Variants in LDB2 observed in about 807,000 individuals in gnomAD.
LDB2 encodes the protein LIM domain binding 2, also known as LIM domain-binding protein 2.
A neutral mutation model predicts 44.3 loss-of-function variants in LDB2; 12 were observed. That is an observed-to-expected ratio of 0.27 (90% confidence interval 0.17 to 0.44). The LOEUF (loss-of-function observed/expected upper bound fraction) is 0.44. Among genes scored for constraint, LDB2 ranks in the 20% least tolerant of loss-of-function variants. The probability of loss-of-function intolerance (pLI) is 1.00; values close to 1 mark genes in which losing one functional copy is unlikely to be tolerated. For synonymous variants in LDB2, 164 were observed against 174.8 expected, an observed-to-expected ratio of 0.94 and a Z score of 0.49; for missense variants, 344 against 473.5, an observed-to-expected ratio of 0.73 and a Z score of 2.54.
chr4:16,530,745 T>A (rs1729866996), intron 5 of LDB2, among the ~76,000 whole-genome samples: 1 of 152,174 alleles, frequency 6.6e-6, no homozygotes, highest in African/African-American at 2.4e-5. Flanking sequence ...AGTTTGTTCT[T>A]TCTGAAATAG....
chr4:16,671,897 G>A (rs901059494), intron 2 of LDB2, among the ~76,000 whole-genome samples: 4 of 152,034 alleles, frequency 2.6e-5, no homozygotes, highest in African/African-American at 9.7e-5. Flanking sequence ...GTGGGCTGCA[G>A]CTGAATTGGC....
chr4:16,584,123 A>G (rs1715849722), intron 5 of LDB2, among the ~76,000 whole-genome samples: 1 of 152,206 alleles, frequency 6.6e-6, no homozygotes, highest in Non-Finnish European at 1.5e-5. Context: ...CAGCACATCA[A>G]ACAATGATGG....
chr4:16,854,163 A>G (rs1023004453), intron 1 of LDB2, among the ~76,000 whole-genome samples: 57 of 152,044 alleles, frequency 3.7e-4, no homozygotes, highest in African/African-American at 1.4e-3. Flanking sequence ...AAACAAAACA[A>G]AACAAATTGA....
chr4:16,758,361 T>C (rs573489065), intron 2 of LDB2, among the ~76,000 whole-genome samples: 52 of 152,330 alleles, frequency 3.4e-4, no homozygotes, highest in African/African-American at 1.2e-3. Context: ...ATTTCAGTGT[T>C]TGTGACAGTG....
chr4:16,789,677 C>T (rs1775272634), intron 1 of LDB2, among the ~76,000 whole-genome samples: 1 of 152,190 alleles, frequency 6.6e-6, no homozygotes, highest in South Asian at 2.1e-4. Flanking sequence ...TGCCTGTAAT[C>T]CCAGCACTTT....
chr4:16,572,579 G>GTA (rs1032865701), intron 5 of LDB2, among the ~76,000 whole-genome samples: 11 of 151,808 alleles, frequency 7.2e-5, no homozygotes, highest in South Asian at 2.1e-4. Flanking sequence ...TTGTTGTTTT[G>GTA]TATATATATG....
chr4:16,898,598 C>T lies in LDB2; in HGVS notation c.-113G>A. 1 of 1,012,704 alleles carries T rather than the reference C, an allele frequency of 9.9e-7. No homozygotes were observed. The highest frequency in any genetic ancestry group is 1.4e-6 in the Non-Finnish European group (1 of 709,978). 62.7% of individuals were successfully genotyped at this position (1,012,704 alleles called of 1,614,324 possible). ...AGACGCACGCACACACGCTCACACA[C>T]ACACAGAGGCAGGCAGGCAGGCAGG... On this transcript the variant is annotated 5_prime_UTR_variant, in exon 1 of 8. The change creates a new upstream start codon in the 5' untranslated region. Coordinates refer to ENST00000304523, the MANE Select transcript of LDB2 (RefSeq NM_001290.5).
intron 2 of LDB2, among the ~76,000 whole-genome samples, chr4:16,642,362 C>T (rs747062411): frequency 1.1e-4 from 17 of 152,026 alleles, no homozygotes; most frequent in South Asian, 6.3e-4. Flanking sequence ...AGCAGGTAAA[C>T]GCACAAAAAC....
intron 2 of LDB2, among the ~76,000 whole-genome samples, chr4:16,733,206 A>G (rs1364983070): frequency 2.0e-5 from 3 of 152,198 alleles, no homozygotes; most frequent in Admixed American, 6.5e-5. Context: ...CTCTAATTAT[A>G]ATGCAAGATA....
intron 1 of LDB2, among the ~76,000 whole-genome samples, chr4:16,788,781 C>T (rs539251708): frequency 1.3e-5 from 2 of 152,338 alleles, no homozygotes; most frequent in South Asian, 4.1e-4. Context: ...TAGTGAGCCC[C>T]AAGAACAGGC....
At chr4:16,894,869 T>G (rs550818725) in intron 1 of LDB2, among the ~76,000 whole-genome samples, 167 of 152,252 alleles carry the variant, frequency 1.1e-3, no homozygotes, top group Non-Finnish European at 1.3e-3. Flanking sequence ...AAAACCAAAC[T>G]GGACCTTCAA....
intron 2 of LDB2, among the ~76,000 whole-genome samples, chr4:16,651,787 T>A (rs1464798542): frequency 4.6e-5 from 7 of 152,142 alleles, no homozygotes; most frequent in Admixed American, 4.6e-4. Flanking sequence ...TCCCTTCCAA[T>A]AGACTTGGTC....
chr4:16,740,393 A>G (rs886946601), intron 2 of LDB2, among the ~76,000 whole-genome samples: 18 of 152,220 alleles, frequency 1.2e-4, no homozygotes, highest in Non-Finnish European at 1.3e-4. Context: ...GTCTATCACG[A>G]TGCATCCTCT....
intron 2 of LDB2, among the ~76,000 whole-genome samples, chr4:16,616,716 C>T (rs1395208016): frequency 6.6e-6 from 1 of 151,874 alleles, no homozygotes; most frequent in Non-Finnish European, 1.5e-5. Flanking sequence ...GAACCTACTC[C>T]TTTTGCTATT....
At chr4:16,736,853 T>C (rs531591075) in intron 2 of LDB2, among the ~76,000 whole-genome samples, 1 of 152,246 alleles carries the variant, frequency 6.6e-6, no homozygotes, top group Admixed American at 6.5e-5. Flanking sequence ...AAATTAATAA[T>C]GTTTTTAAAA....
intron 1 of LDB2, among the ~76,000 whole-genome samples, chr4:16,803,304 A>G (rs1778202337): frequency 1.3e-5 from 2 of 152,170 alleles, no homozygotes; most frequent in South Asian, 4.1e-4. Flanking sequence ...TTTTTGGGGA[A>G]TCAGATAGAA....
chr4:16,844,667 C>T (rs1326979323), intron 1 of LDB2, among the ~76,000 whole-genome samples: 1 of 152,138 alleles, frequency 6.6e-6, no homozygotes, highest in Non-Finnish European at 1.5e-5. Flanking sequence ...CTTCTCTCAT[C>T]TTGTTTCGTT....
At chr4:16,741,594 TAC>T (rs1343604593) in intron 2 of LDB2, 1 of 152,204 alleles carries the variant, frequency 6.6e-6, no homozygotes, top group Non-Finnish European at 1.5e-5. Context: ...ATCCCAAATC[TAC>T]AGTCTCTTCA....
intron 5 of LDB2, among the ~76,000 whole-genome samples, chr4:16,551,375 ACT>A (rs1170694180): frequency 1.3e-5 from 2 of 152,144 alleles, no homozygotes; most frequent in East Asian, 1.9e-4. Flanking sequence ...ATGTAAGCTA[ACT>A]CTATTTTCAA....
Sources: allele counts gnomAD v4.1 joint callset (sites outside exome capture counted in the v4.1 genomes callset), GRCh38; gene constraint gnomAD v4.1.1; transcripts MANE v1.5; gene names NCBI Gene and HGNC (gene_info 2026-07-23, HGNC 2026-07-21).